The following RBM26 variants were observed in gnomAD, a reference collection of about 807,000 sequenced individuals.
RBM26 encodes RNA binding motif protein 26.
Under a neutral mutation model 123.6 loss-of-function variants are expected in RBM26, and 30 were observed. The observed-to-expected ratio is 0.24, with a 90% confidence interval of 0.18 to 0.33. RBM26 has a LOEUF of 0.33. RBM26 is among the 10% of genes least tolerant of loss of function. The pLI is 1.00. For missense variants in RBM26, 947 were observed against 1,203.6 expected (o/e 0.79, Z 3.15); for synonymous variants, 400 against 404.4 (o/e 0.99, Z 0.13).
At chr13:79,337,977 G>A (rs2070727547) in intron 18 of RBM26, among the ~76,000 whole-genome samples, 1 of 152,134 alleles carries the variant, frequency 6.6e-6, no homozygotes, top group Admixed American at 6.5e-5. Flanking sequence ...CAAAACTTTA[G>A]GAGGCCGAGG....
intron 18 of RBM26, among the ~76,000 whole-genome samples, chr13:79,338,470 T>C (rs2139001477): frequency 6.6e-6 from 1 of 152,300 alleles, no homozygotes; most frequent in Non-Finnish European, 1.5e-5. Context: ...AGGTAGGGGT[T>C]ACGGCATGAA....
intron 13 of RBM26, among the ~76,000 whole-genome samples, chr13:79,353,668 C>T (rs1285040557): frequency 6.6e-6 from 1 of 151,954 alleles, no homozygotes; most frequent in Non-Finnish European, 1.5e-5. Context: ...AATAATTTAC[C>T]AATAGACATT....
chr13:79,365,718 T>C lies in RBM26; in HGVS notation c.1277A>G (p.Asp426Gly), dbSNP rs1465792372. 1.6e-5 allele frequency: 25 copies of C among 1,609,464 alleles called. No individual in the cohort carries two copies. The highest frequency in any genetic ancestry group is 2.0e-5 in the Non-Finnish European group (24 of 1,178,722). ...ATTGTAGCCATCTGTGTCATATGTA[T>C]CTGGTAATACAAAAACTGTAATTAA... ...PPAPPSLFTADTYDTDGYNPE... is the reference protein window; with the variant it reads ...PPAPPSLFTAGTYDTDGYNPE... The change falls in exon 9 of 22, where the codon GAT (aspartate) becomes GGT (glycine). Residue 426 changes from aspartate to glycine, a missense_variant and splice_region_variant. Physicochemically the swap from Asp to Gly is moderately conservative, Grantham distance 94. This residue lies in a region of RBM26 where 493 missense variants were observed against 563.1 expected (regional missense o/e 0.88). Transcript: ENST00000438737.
intron 9 of RBM26, among the ~76,000 whole-genome samples, chr13:79,362,498 G>C (rs1221010321): frequency 6.6e-6 from 1 of 152,066 alleles, no homozygotes; most frequent in Non-Finnish European, 1.5e-5. Flanking sequence ...AAGTATCACA[G>C]GGTACATAGG....
chr13:79,400,204 T>C (rs1312471370), intron 1 of RBM26, among the ~76,000 whole-genome samples: 3 of 152,210 alleles, frequency 2.0e-5, no homozygotes, highest in African/African-American at 7.2e-5. Context: ...AAACCATTCA[T>C]GGGAAAGGTC....
intron 1 of RBM26, among the ~76,000 whole-genome samples, chr13:79,386,024 C>G (rs1255775484): frequency 3.3e-5 from 5 of 151,934 alleles, no homozygotes; most frequent in African/African-American, 1.2e-4. Context: ...CATATCCCCA[C>G]TGCAGGTCAG....
chr13:79,392,516 T>C (rs892192439), intron 1 of RBM26, among the ~76,000 whole-genome samples: 5 of 146,676 alleles, frequency 3.4e-5, no homozygotes, highest in Non-Finnish European at 7.5e-5. Context: ...ATATTAGTTA[T>C]ATAATTATAT....
intron 11 of RBM26, among the ~76,000 whole-genome samples, chr13:79,356,317 C>T (rs1359119980): frequency 1.4e-5 from 2 of 142,114 alleles, no homozygotes; most frequent in East Asian, 4.4e-4. Flanking sequence ...TACAAAGAAC[C>T]GTAATCATGC....
intron 4 of RBM26, among the ~76,000 whole-genome samples, chr13:79,371,571 A>T (rs994076130): frequency 8.5e-5 from 13 of 152,124 alleles, no homozygotes; most frequent in African/African-American, 3.1e-4. Flanking sequence ...GGCAAAAAAA[A>T]AACACCCACA....
intron 1 of RBM26, among the ~76,000 whole-genome samples, chr13:79,397,680 C>A (rs1228311826): frequency 6.0e-4 from 38 of 63,258 alleles, no homozygotes; most frequent in African/African-American, 1.1e-3. Flanking sequence ...GACTCCATCT[C>A]AAAAAAAAAA....
intron 20 of RBM26, among the ~76,000 whole-genome samples, chr13:79,333,549 CTT>C (rs1374819262): frequency 6.6e-6 from 1 of 152,194 alleles, no homozygotes; most frequent in African/African-American, 2.4e-5. Context: ...GCATCTCACT[CTT>C]TCATTGCTTT....
chr13:79,325,704 A>G (rs926695106), intron 20 of RBM26, among the ~76,000 whole-genome samples: 2 of 152,132 alleles, frequency 1.3e-5, no homozygotes, highest in Non-Finnish European at 2.9e-5. Flanking sequence ...GAAAGATAAA[A>G]TGTTCTTATA....
chr13:79,367,480 T>C (rs1190619316), intron 6 of RBM26, among the ~76,000 whole-genome samples: 1 of 138,418 alleles, frequency 7.2e-6, no homozygotes, highest in African/African-American at 2.7e-5. Flanking sequence ...ATGTTGGAGG[T>C]GGGGCCTGGT....
intron 7 of RBM26, among the ~76,000 whole-genome samples, chr13:79,366,422 A>G (rs2075274136): frequency 6.6e-6 from 1 of 152,222 alleles, no homozygotes; most frequent in South Asian, 2.1e-4. Flanking sequence ...CCAGTGATAT[A>G]CTTAATTCAC....
In RBM26 at chr13:79,320,282, C is replaced by T. The variant is rs1290099013; in HGVS notation, c.*339G>A. 1.0e-6 allele frequency: 1 copy of T among 987,150 alleles called. No homozygotes were observed. Among genetic ancestry groups the T allele is most frequent in the Non-Finnish European group, 1.2e-6 (1 of 828,268 alleles). 61.1% of individuals were successfully genotyped at this position (987,150 alleles called of 1,614,324 possible). A position where few individuals can be genotyped will look rare whatever the true frequency, so the allele number is the denominator to read the frequency against. The stretch of plus-strand genomic sequence containing the variant: ...CTTATTTGGAATAAAACAAAGTCCT[C>T]TAAGTTATAACAAGTATTGGTCATA... On this transcript the variant is annotated 3_prime_UTR_variant, in exon 22 of 22. Transcript: ENST00000438737.
At chr13:79,325,023 A>ACGGG in intron 20 of RBM26, among the ~76,000 whole-genome samples, 1 of 152,070 alleles carries the variant, frequency 6.6e-6, no homozygotes, top group Non-Finnish European at 1.5e-5. Context: ...ATTTTAATAA[A>ACGGG]CCTGAAAAAT....
chr13:79,353,280 T>C (rs1474719826), intron 13 of RBM26, 56 bp from the exon 14 acceptor site: 16 of 1,041,270 alleles, frequency 1.5e-5, no homozygotes, highest in Admixed American at 4.2e-5. Context: ...AAAAGTCTGT[T>C]GGGATCTTGA....
chr13:79,360,501 A>G (rs1455059929), intron 9 of RBM26, among the ~76,000 whole-genome samples: 2 of 152,086 alleles, frequency 1.3e-5, no homozygotes, highest in Admixed American at 6.6e-5. Flanking sequence ...ATATATATAT[A>G]TATATCAATG....
intron 1 of RBM26, among the ~76,000 whole-genome samples, chr13:79,392,664 T>C (rs2078199103): frequency 6.7e-6 from 1 of 150,238 alleles, no homozygotes; most frequent in South Asian, 2.1e-4. Context: ...ATTAAAACTA[T>C]GTTAGCCATT....
Sources: gnomAD v4.1 joint callset for allele counts (sites outside exome capture counted in the v4.1 genomes callset) on GRCh38, gnomAD v4.1.1 for gene constraint, gnomAD v4.1.1 regional missense constraint, MANE v1.5 for transcripts, NCBI Gene and HGNC (gene_info 2026-07-23, HGNC 2026-07-21) for gene names.